IFT88: variants seen among roughly 807,000 people sequenced by gnomAD.
IFT88 encodes intraflagellar transport 88.
Under a neutral mutation model 119.5 loss-of-function variants are expected in IFT88, and 74 were observed. That is an observed-to-expected ratio of 0.62 (90% CI 0.51 to 0.75). The LOEUF is 0.75. Ranked by LOEUF, IFT88 falls within the 30% of genes least tolerant of loss-of-function variation. The probability of loss-of-function intolerance (pLI) is 0.00; values close to 1 mark genes in which losing one functional copy is unlikely to be tolerated. For synonymous variants in IFT88, 279 were observed against 316.7 expected, an observed-to-expected ratio of 0.88 and a Z score of 1.26; for missense variants, 961 against 977.7, an observed-to-expected ratio of 0.98 and a Z score of 0.23.
chr13:20,586,499 GTTGATTA>G (rs1401081500), intron 3 of IFT88, among the ~76,000 whole-genome samples: 1 of 151,764 alleles, frequency 6.6e-6, no homozygotes, highest in African/African-American at 2.4e-5. Context: ...TAAATTAAGA[GTTGATTA>G]TTACGGGATA....
At chr13:20,586,016 T>C (rs1428032364) in intron 3 of IFT88, among the ~76,000 whole-genome samples, 1 of 152,208 alleles carries the variant, frequency 6.6e-6, no homozygotes, top group Non-Finnish European at 1.5e-5. Flanking sequence ...ACTTAGTAAA[T>C]CAGTGAACTT....
At chr13:20,622,694 GT>G (rs1265401779) in intron 14 of IFT88, among the ~76,000 whole-genome samples, 32 of 152,194 alleles carry the variant, frequency 2.1e-4, no homozygotes, top group African/African-American at 7.7e-4. Context: ...TTGTTTTGGA[GT>G]TTTAGGAGTT....
intron 20 of IFT88, among the ~76,000 whole-genome samples, chr13:20,645,792 C>T (rs761644059): frequency 6.6e-6 from 1 of 152,040 alleles, no homozygotes; most frequent in Non-Finnish European, 1.5e-5. Flanking sequence ...ACAAATGCCC[C>T]TTAGAATAAT....
chr13:20,607,838 TCA>T, intron 13 of IFT88: 2 of 730,832 alleles, frequency 2.7e-6, no homozygotes, highest in Non-Finnish European at 5.2e-6. Flanking sequence ...ATCATGGTCA[TCA>T]CAGTGTCCCT....
intron 14 of IFT88, among the ~76,000 whole-genome samples, chr13:20,621,476 C>T (rs1400806472): frequency 2.0e-5 from 3 of 146,430 alleles, no homozygotes; most frequent in Non-Finnish European, 4.5e-5. Context: ...CTTGTCATTT[C>T]CACATATATT....
chr13:20,638,830 G>T lies in IFT88; in HGVS notation c.1573+312G>T, dbSNP rs974106873. On this transcript the variant is annotated intron_variant, in intron 17 of 25. Transcript: ENST00000351808. ...GATATTATCATTCTTTTTAACTTTT[G>T]CCAAGTTCATAGATGGGAAAAAATC... Among the ~76,000 whole-genome samples the T allele has an allele frequency of 3.3e-5, 5 of 151,932 alleles. No individual in the cohort carries two copies. The South Asian group carries it at 1.0e-3, about 32-fold the overall frequency.
intron 20 of IFT88, among the ~76,000 whole-genome samples, chr13:20,649,550 A>T (rs1341799034): frequency 5.3e-5 from 8 of 152,278 alleles, no homozygotes; most frequent in South Asian, 2.1e-4. Context: ...AAGAAGAAAG[A>T]TCCCAAGTTA....
intron 14 of IFT88, among the ~76,000 whole-genome samples, chr13:20,618,837 TA>T (rs2046050941): frequency 6.9e-6 from 1 of 145,836 alleles, no homozygotes. Flanking sequence ...CTTCTTTGTA[TA>T]TGATTAAATT....
intron 15 of IFT88, 110 bp downstream of exon 15, chr13:20,625,959 T>C: frequency 2.4e-6 from 1 of 422,110 alleles, no homozygotes. Flanking sequence ...ATTCTGAAGT[T>C]GAATAATATT....
rs556347846 is a variant in IFT88 at position 20,582,595 on chromosome 13, G to C, written c.91-362G>C. Among the ~76,000 whole-genome samples, 150 of 152,202 alleles carry C rather than the reference G, an allele frequency of 9.9e-4. 1 individual carries two copies. The highest frequency in any genetic ancestry group is 3.4e-3 in the African/African-American group (141 of 41,524). Reference sequence around the variant, plus strand: ...AAGACAGGGGGATGGTGGGGAGAGAGAGAGAAAGAGAGATGTAAATCTCCA... The same window carrying C: ...AAGACAGGGGGATGGTGGGGAGAGACAGAGAAAGAGAGATGTAAATCTCCA... On this transcript the variant is annotated intron_variant, in intron 2 of 25. Coordinates refer to ENST00000351808, the MANE Select transcript of IFT88 (RefSeq NM_006531.5).
chr13:20,670,673 A>C (rs1209926415), intron 23 of IFT88, among the ~76,000 whole-genome samples: 1 of 151,884 alleles, frequency 6.6e-6, no homozygotes, highest in African/African-American at 2.4e-5. Context: ...TAAGCCCTGA[A>C]TGTTCACATC....
At chr13:20,569,593 T>TA (rs71077720) in intron 1 of IFT88, among the ~76,000 whole-genome samples, 2 of 151,306 alleles carry the variant, frequency 1.3e-5, no homozygotes, top group African/African-American at 2.4e-5. Flanking sequence ...AAAATTTTTT[T>TA]AAACTTTTGT....
rs190967421 is a variant in IFT88 at position 20,659,454 on chromosome 13, A to G, written c.2068+3024A>G. ...AACTGCAGTGAGCTGTGATTGTGCC[A>G]GTGCACTCCAGCCTGGGCATCTCTA... On this transcript the variant is annotated intron_variant, in intron 22 of 25. Coordinates refer to ENST00000351808, the MANE Select transcript of IFT88 (RefSeq NM_006531.5). 1.8e-4 allele frequency among the ~76,000 whole-genome samples: 28 copies of G among 152,230 alleles called. No individual in the cohort carries two copies. In the East Asian group the frequency reaches 3.9e-3, roughly 21 times the overall value.
At chr13:20,623,988 T>C (rs1442733481) in intron 14 of IFT88, among the ~76,000 whole-genome samples, 4 of 152,230 alleles carry the variant, frequency 2.6e-5, no homozygotes, top group African/African-American at 9.6e-5. Context: ...TTTTGTATCC[T>C]GCTACATTGC....
At chr13:20,570,090 A>T (rs1005259427) in intron 1 of IFT88, among the ~76,000 whole-genome samples, 1 of 152,112 alleles carries the variant, frequency 6.6e-6, no homozygotes, top group African/African-American at 2.4e-5. Flanking sequence ...CTCCAAAGAG[A>T]TATAGAAATG....
chr13:20,675,898 G>T (rs1281337568), intron 24 of IFT88, among the ~76,000 whole-genome samples: 1 of 152,224 alleles, frequency 6.6e-6, no homozygotes, highest in Admixed American at 6.5e-5. Context: ...ACTGTAGTTT[G>T]CTAATCCCTG....
chr13:20,654,284 C>T (rs1327339809), intron 21 of IFT88, among the ~76,000 whole-genome samples: 1 of 152,144 alleles, frequency 6.6e-6, no homozygotes, highest in Admixed American at 6.6e-5. Flanking sequence ...GTGTGCTCGG[C>T]CAAATTTATG....
intron 22 of IFT88, chr13:20,663,270 C>T (rs765982504): frequency 2.7e-6 from 4 of 1,463,490 alleles, no homozygotes; most frequent in Non-Finnish European, 3.6e-6. Context: ...TAGGTTCTGG[C>T]AGCGTGAGGA....
At chr13:20,596,288 T>C (rs1216961720) in intron 8 of IFT88, 48 bp downstream of exon 8, 4 of 844,088 alleles carry the variant, frequency 4.7e-6, no homozygotes, top group African/African-American at 1.7e-5. Context: ...TATAGATGTA[T>C]GTCTGCTTTT....
Sources: gnomAD v4.1 joint callset for allele counts (sites outside exome capture counted in the v4.1 genomes callset) on GRCh38, gnomAD v4.1.1 for gene constraint, MANE v1.5 for transcripts, NCBI Gene and HGNC (gene_info 2026-07-23, HGNC 2026-07-21) for gene names.